Variants in MRPL48 observed in about 807,000 individuals in gnomAD.
MRPL48 encodes the protein large ribosomal subunit protein mL48.
A neutral mutation model predicts 32.9 loss-of-function variants in MRPL48; 16 were observed. The ratio of observed to expected loss-of-function variants is 0.49; its 90% CI spans 0.33 to 0.74. The LOEUF is 0.74. Ranked by LOEUF, MRPL48 falls within the 30% of genes least tolerant of loss-of-function variation. The pLI is 0.02. For missense variants in MRPL48, 206 were observed against 245.3 expected (o/e 0.84, Z 1.07); for synonymous variants, 94 against 89.2 (o/e 1.05, Z -0.31).
rs112644281 is a variant in MRPL48, at chr11:73,858,233, C to G, written c.372-1674C>G. Among the ~76,000 whole-genome samples, 899 of 152,250 alleles carry G rather than the reference C, an allele frequency of 5.9e-3. 9 individuals carry two copies. Among genetic ancestry groups the G allele is most frequent in the African/African-American group, 0.021 (860 of 41,532 alleles). On this transcript the variant is annotated intron_variant, in intron 5 of 7. Coordinates refer to ENST00000310614, the MANE Select transcript of MRPL48 (RefSeq NM_016055.6). The stretch of plus-strand genomic sequence containing the variant: ...GGAGATCAGAGATAATGCTGAAAAG[C>G]AGGAGGGATGTTATTTAGAAAGACT...
At chr11:73,792,436 AT>A (rs1426541893) in intron 1 of MRPL48, among the ~76,000 whole-genome samples, 1 of 152,186 alleles carries the variant, frequency 6.6e-6, no homozygotes, top group African/African-American at 2.4e-5. Flanking sequence ...GTGCCAAGTT[AT>A]GTCTAATATG....
Position 73,863,158 on chromosome 11 carries a change from CT to C in MRPL48, c.475-11del. 1 of 1,570,162 alleles carries C rather than the reference CT, an allele frequency of 6.4e-7. No homozygotes were observed. Among genetic ancestry groups the C allele is most frequent in the Admixed American group, 1.9e-5 (1 of 53,156 alleles). On this transcript the variant is annotated splice_polypyrimidine_tract_variant and intron_variant, in intron 6 of 7. Transcript: ENST00000310614. ...CTCCTCCCACCTCTTAGAGCACCTT[CT>C]TTCATTTTGCAGATCAGCGGTTTGA... is the stretch of plus-strand genomic sequence containing the variant.
At chr11:73,845,195 C>G (rs759594643) in intron 5 of MRPL48, 6 of 386,498 alleles carry the variant, frequency 1.6e-5, no homozygotes, top group African/African-American at 6.2e-5. Context: ...ACTCAAGTCC[C>G]TGGCAACCAC....
At position 73,844,845 on chromosome 11, in the gene MRPL48, T is replaced by C. The variant is rs200276630; in HGVS notation, c.240T>C (p.Ile80=). The C allele has an allele frequency of 1.9e-6, 3 of 1,613,670 alleles. No homozygotes were observed. Among genetic ancestry groups the C allele is most frequent in the African/African-American group, 2.7e-5 (2 of 75,052 alleles). The change falls in exon 5 of 8, where the codon ATT becomes ATC. Residue 80 remains isoleucine, a synonymous_variant. Transcript: ENST00000310614. Reference sequence around the variant, plus strand: ...AGGGAAAAGTGGAAGTGAGAGCCATTAATTTGGGGACAGATTATGAATATG... The same window carrying C: ...AGGGAAAAGTGGAAGTGAGAGCCATCAATTTGGGGACAGATTATGAATATG... ...KKKGKVEVRA[I]NLGTDYEYGV... is the part of the protein sequence containing the mutation.
At chr11:73,809,471 TCCAG>T (rs980038436) in intron 3 of MRPL48, among the ~76,000 whole-genome samples, 1 of 142,154 alleles carries the variant, frequency 7.0e-6, no homozygotes, top group Non-Finnish European at 1.5e-5. Flanking sequence ...ACCACTGCAC[TCCAG>T]CCTGGGCGAC....
chr11:73,817,984 T>TA (rs1947706962), intron 3 of MRPL48: 1 of 161,664 alleles, frequency 6.2e-6, no homozygotes, highest in African/African-American at 2.4e-5. Flanking sequence ...TTTTATTTTT[T>TA]AAATTTTTTG....
chr11:73,788,921 CTTAGA>C (rs1268177241), intron 1 of MRPL48, among the ~76,000 whole-genome samples: 7 of 152,108 alleles, frequency 4.6e-5, no homozygotes, highest in African/African-American at 1.7e-4. Context: ...TATCATGCTG[CTTAGA>C]TTAATGACTC....
chr11:73,816,731 T>C (rs1300537209), intron 3 of MRPL48, among the ~76,000 whole-genome samples: 1 of 152,148 alleles, frequency 6.6e-6, no homozygotes, highest in East Asian at 1.9e-4. Flanking sequence ...CCTAAATTGT[T>C]GGGATTACAG....
At position 73,844,914 on chromosome 11, in the gene MRPL48, A is replaced by G. The variant is rs765080813; in HGVS notation, c.309A>G (p.Ala103=). ...IHLTAYDMTL[A]ESYAQYVHNL... Reference sequence around the variant, plus strand: ...TGACTGCATATGATATGACCCTGGCAGAGAGTTATGCCCAGTATGTTCACA... The same window carrying G: ...TGACTGCATATGATATGACCCTGGCGGAGAGTTATGCCCAGTATGTTCACA... The change falls in exon 5 of 8, where the codon GCA becomes GCG. Residue 103 remains alanine (A), a synonymous_variant. Coordinates refer to ENST00000310614, the MANE Select transcript of MRPL48 (RefSeq NM_016055.6). 6.2e-6 allele frequency: 10 copies of G among 1,613,878 alleles called. No homozygotes were observed. In the South Asian group the frequency reaches 1.1e-4, roughly 18 times the overall value.
chr11:73,851,117 ATT>A (rs145045243), intron 5 of MRPL48: 23,810 of 467,964 alleles, frequency 0.051, 685 homozygotes, highest in Middle Eastern at 0.086. Context: ...TTTATATACT[ATT>A]TTCTGTCATC....
chr11:73,802,115 C>T (rs1947372077), intron 1 of MRPL48: 1 of 152,288 alleles, frequency 6.6e-6, no homozygotes, highest in Non-Finnish European at 1.5e-5. Context: ...TCCTCAGCAA[C>T]GTCTGTAACT....
chr11:73,823,663 T>TTG (rs1554969541), intron 3 of MRPL48, among the ~76,000 whole-genome samples: 7 of 149,624 alleles, frequency 4.7e-5, no homozygotes, highest in Admixed American at 1.3e-4. Context: ...TGTTTTTTTT[T>TTG]TTTTTTTTTT....
chr11:73,858,530 C>T (rs1234743475), intron 5 of MRPL48, among the ~76,000 whole-genome samples: 1 of 152,188 alleles, frequency 6.6e-6, no homozygotes, highest in Non-Finnish European at 1.5e-5. Context: ...CCGCATCGGC[C>T]TCCCAAAGTG....
At chr11:73,793,155 T>C (rs1251714578) in intron 1 of MRPL48, among the ~76,000 whole-genome samples, 1 of 152,214 alleles carries the variant, frequency 6.6e-6, no homozygotes, top group Non-Finnish European at 1.5e-5. Flanking sequence ...AACCTCTGCC[T>C]CCTGGGTTCA....
chr11:73,793,685 G>C (rs566507072), intron 1 of MRPL48, among the ~76,000 whole-genome samples: 1 of 151,810 alleles, frequency 6.6e-6, no homozygotes, highest in Non-Finnish European at 1.5e-5. Context: ...GATTACGGGA[G>C]AGTATGCAGA....
chr11:73,817,826 G>A, intron 3 of MRPL48: 1 of 405,198 alleles, frequency 2.5e-6, no homozygotes, highest in South Asian at 1.8e-5. Flanking sequence ...TTTTGAGAGA[G>A]AGACGGTCTT....
At chr11:73,803,320 G>C (rs902691945) in intron 1 of MRPL48, among the ~76,000 whole-genome samples, 1 of 150,340 alleles carries the variant, frequency 6.7e-6, no homozygotes, top group African/African-American at 2.4e-5. Flanking sequence ...TGGGAGAGAC[G>C]GGGTTTCACC....
In MRPL48 at chr11:73,864,691, G is replaced by A. The variant is rs1316496669; in HGVS notation, c.*321G>A. The A allele has an allele frequency of 6.3e-6, 2 of 315,690 alleles. No homozygotes were observed. Among genetic ancestry groups the A allele is most frequent in the Non-Finnish European group, 1.2e-5 (2 of 166,984 alleles). 19.6% of individuals were successfully genotyped at this position (315,690 alleles called of 1,614,324 possible). ...CTATATTCTGGCCAGGCACCGTGGT[G>A]CATCCCTGTAATCCCAGCACTTTGC... On this transcript the variant is annotated 3_prime_UTR_variant, in exon 8 of 8. Coordinates refer to ENST00000310614, the MANE Select transcript of MRPL48 (RefSeq NM_016055.6).
At chr11:73,830,006 T>C (rs1947965354) in intron 4 of MRPL48, among the ~76,000 whole-genome samples, 1 of 152,098 alleles carries the variant, frequency 6.6e-6, no homozygotes, top group South Asian at 2.1e-4. Flanking sequence ...AAGTGATCCG[T>C]CTGCCTCAGC....
Sources: gnomAD v4.1 joint callset for allele counts (sites outside exome capture counted in the v4.1 genomes callset) on GRCh38, gnomAD v4.1.1 for gene constraint, MANE v1.5 for transcripts, NCBI Gene and HGNC (gene_info 2026-07-23, HGNC 2026-07-21) for gene names.